ASPH: variants seen among roughly 807,000 people sequenced by gnomAD.
ASPH encodes aspartyl/asparaginyl beta-hydroxylase.
A neutral mutation model predicts 118.4 loss-of-function variants in ASPH; 100 were observed. The observed-to-expected ratio is 0.84, with a 90% confidence interval of 0.72 to 1.00. The LOEUF is 1.00. Ranked by LOEUF, ASPH falls within the 50% of genes least tolerant of loss-of-function variation. The pLI is 0.00. For synonymous variants in ASPH, 315 were observed against 325.6 expected (o/e 0.97, Z 0.35); for missense variants, 920 against 919.5 (o/e 1.00, Z -0.01).
Position 61,633,747 on chromosome 8 carries a change from T to G in ASPH, c.890-20A>C. 1 of 1,558,280 alleles carries G rather than the reference T, an allele frequency of 6.4e-7. No homozygotes were observed. Among genetic ancestry groups the G allele is most frequent in the Non-Finnish European group, 8.8e-7 (1 of 1,140,440 alleles). ...TTACTTCTAAAATAAATAATAAAGT[T>G]ATAATCTGTTACATATTGCTGATCA... On this transcript the variant is annotated intron_variant, in intron 12 of 24. Coordinates refer to ENST00000379454, the MANE Select transcript of ASPH (RefSeq NM_004318.4).
At chr8:61,561,087 GGAGGGAGGGAGA>G (rs1376759154) in intron 18 of ASPH, among the ~76,000 whole-genome samples, 1,297 of 44,526 alleles carry the variant, frequency 0.029, 59 homozygotes, top group African/African-American at 0.07. Flanking sequence ...AGGGAGGGAG[GGAGGGAGGGAGA>G]GAGGGAGGGA....
intron 22 of ASPH, among the ~76,000 whole-genome samples, chr8:61,518,681 C>T (rs374305533): frequency 9.2e-5 from 14 of 152,128 alleles, no homozygotes; most frequent in South Asian, 8.3e-4. Flanking sequence ...GGTATTTTAT[C>T]GATACCATAA....
At chr8:61,648,736 TTA>T (rs1396075131) in intron 5 of ASPH, among the ~76,000 whole-genome samples, 2 of 152,214 alleles carry the variant, frequency 1.3e-5, no homozygotes, top group Non-Finnish European at 2.9e-5. Flanking sequence ...TCTGCAGCTG[TTA>T]TATCCTCCCT....
intron 21 of ASPH, among the ~76,000 whole-genome samples, chr8:61,544,965 C>T (rs1015486555): frequency 1.3e-4 from 20 of 151,984 alleles, no homozygotes; most frequent in African/African-American, 4.3e-4. Context: ...AGAAGGAAAA[C>T]AGAAAGAGGT....
intron 16 of ASPH, among the ~76,000 whole-genome samples, chr8:61,570,512 G>C (rs912299084): frequency 6.6e-6 from 1 of 152,168 alleles, no homozygotes; most frequent in African/African-American, 2.4e-5. Context: ...AAAAGGGAGA[G>C]AGATAGTATA....
At chr8:61,672,595 G>A (rs2151473080) in intron 3 of ASPH, among the ~76,000 whole-genome samples, 1 of 151,352 alleles carries the variant, frequency 6.6e-6, no homozygotes, top group Non-Finnish European at 1.5e-5. Flanking sequence ...ACCAGCATAT[G>A]ACATTATTCA....
chr8:61,586,503 C>G (rs1839492636), intron 14 of ASPH, among the ~76,000 whole-genome samples: 1 of 152,100 alleles, frequency 6.6e-6, no homozygotes, highest in Admixed American at 6.6e-5. Flanking sequence ...CAAAGAAGAG[C>G]ACATGGAATC....
intron 1 of ASPH, among the ~76,000 whole-genome samples, chr8:61,692,227 C>G (rs1227388551): frequency 6.6e-6 from 1 of 152,146 alleles, no homozygotes; most frequent in African/African-American, 2.4e-5. Flanking sequence ...GGAGAAAACC[C>G]TCTGAAATAT....
intron 21 of ASPH, among the ~76,000 whole-genome samples, chr8:61,533,570 C>G (rs1586667578): frequency 1.3e-5 from 2 of 152,172 alleles, no homozygotes; most frequent in Non-Finnish European, 2.9e-5. Context: ...AAGGGCAGAG[C>G]CTGTGTCTGA....
At chr8:61,579,641 G>A in intron 15 of ASPH, 1 of 1,504,904 alleles carries the variant, frequency 6.6e-7, no homozygotes, top group Non-Finnish European at 9.1e-7. Context: ...GGAAGCTGGT[G>A]TCCGAGTCCT....
Position 61,662,969 on chromosome 8 carries a change from A to C in ASPH, c.323-9309T>G, listed in dbSNP as rs1817666140. The C allele has an allele frequency of 3.0e-6, 3 of 985,408 alleles. No homozygotes were observed. In the South Asian group the frequency reaches 1.4e-4, roughly 46 times the overall value. 61.0% of individuals were successfully genotyped at this position (985,408 alleles called of 1,614,324 possible). A position where few individuals can be genotyped will look rare whatever the true frequency, so the allele number is the denominator to read the frequency against. ...CCATTGAACTTAAAAACTAAGGTAA[A>C]AATTACCAGAATGCTCTCAACAAAT... On this transcript the variant is annotated intron_variant, in intron 3 of 24. Transcript: ENST00000379454.
chr8:61,570,181 C>T (rs193103102), intron 16 of ASPH, among the ~76,000 whole-genome samples: 4 of 152,154 alleles, frequency 2.6e-5, no homozygotes, highest in Non-Finnish European at 2.9e-5. Context: ...AATCAGCCTA[C>T]ATTTGTGCAA....
intron 14 of ASPH, among the ~76,000 whole-genome samples, chr8:61,614,772 T>C (rs1002570145): frequency 6.6e-6 from 1 of 152,086 alleles, no homozygotes; most frequent in Admixed American, 6.6e-5. Context: ...TTATAGGCAT[T>C]AGCCACTGTG....
chr8:61,500,705 A>G lies in ASPH; in HGVS notation c.*2654T>C, dbSNP rs964418763. On this transcript the variant is annotated 3_prime_UTR_variant, in exon 25 of 25. Coordinates refer to ENST00000379454, the MANE Select transcript of ASPH (RefSeq NM_004318.4). ...TTTTCCAAGACCAGTGCATATTTTTAGACATCTCTTATTCGCCCAGCCATC... is the reference window on the plus strand; with the variant it reads ...TTTTCCAAGACCAGTGCATATTTTTGGACATCTCTTATTCGCCCAGCCATC... 2 of 152,236 alleles carry G rather than the reference A, an allele frequency of 1.3e-5. No individual in the cohort carries two copies. Among genetic ancestry groups the G allele is most frequent in the African/African-American group, 4.8e-5 (2 of 41,452 alleles). The allele number at this position is 152,236 out of a possible 1,614,324, so 9.4% of individuals were successfully genotyped here. A position where few individuals can be genotyped will look rare whatever the true frequency, so the allele number is the denominator to read the frequency against.
At chr8:61,533,144 T>G (rs912474233) in intron 21 of ASPH, among the ~76,000 whole-genome samples, 1 of 151,908 alleles carries the variant, frequency 6.6e-6, no homozygotes, top group Non-Finnish European at 1.5e-5. Context: ...ACTCTTTTTA[T>G]CTGAATGTCA....
intron 12 of ASPH, among the ~76,000 whole-genome samples, chr8:61,634,476 A>C (rs968222697): frequency 2.6e-5 from 4 of 152,196 alleles, no homozygotes; most frequent in African/African-American, 9.6e-5. Context: ...TATTTTAATA[A>C]TTTTTCTTCT....
chr8:61,694,384 C>G (rs1833433208), intron 1 of ASPH, among the ~76,000 whole-genome samples: 1 of 152,196 alleles, frequency 6.6e-6, no homozygotes, highest in Admixed American at 6.5e-5. Flanking sequence ...CGCTGTTTCT[C>G]TGTTTTCATT....
chr8:61,705,005 G>C (rs188001406), intron 1 of ASPH, among the ~76,000 whole-genome samples: 7 of 152,170 alleles, frequency 4.6e-5, no homozygotes, highest in East Asian at 1.9e-4. Context: ...GTCAAAAAAG[G>C]CTTCTATAAT....
At chr8:61,614,056 T>A (rs996641741) in intron 14 of ASPH, among the ~76,000 whole-genome samples, 2 of 152,224 alleles carry the variant, frequency 1.3e-5, no homozygotes, top group Non-Finnish European at 2.9e-5. Flanking sequence ...GCTTTGCAGA[T>A]GTGATTTCTG....
Sources: allele counts gnomAD v4.1 joint callset (sites outside exome capture counted in the v4.1 genomes callset), GRCh38; gene constraint gnomAD v4.1.1; transcripts MANE v1.5; gene names NCBI Gene and HGNC (gene_info 2026-07-23, HGNC 2026-07-21).